The following RGSL1 variants were observed in gnomAD, a reference collection of about 807,000 sequenced individuals.
The protein encoded by RGSL1 is regulator of G protein signaling protein-like.
Under a neutral mutation model 124.7 loss-of-function variants are expected in RGSL1, and 97 were observed. The ratio of observed to expected loss-of-function variants is 0.78; its 90% CI spans 0.66 to 0.92. The LOEUF (loss-of-function observed/expected upper bound fraction) is 0.92, where lower values mean the gene tolerates loss of function less well. Ranked by LOEUF, RGSL1 falls within the 40% of genes least tolerant of loss-of-function variation. RGSL1 has a pLI of 0.00. For synonymous variants in RGSL1, 424 were observed against 438.1 expected (o/e 0.97, Z 0.40); for missense variants, 1,233 against 1,288.4 (o/e 0.96, Z 0.66).
intron 10 of RGSL1, among the ~76,000 whole-genome samples, chr1:182,524,091 A>G (rs1658556430): frequency 6.6e-6 from 1 of 152,224 alleles, no homozygotes; most frequent in Non-Finnish European, 1.5e-5. Context: ...GTTGAAGTAT[A>G]GAGTGCATGC....
intron 6 of RGSL1, among the ~76,000 whole-genome samples, chr1:182,475,973 G>A (rs1178086364): frequency 6.6e-6 from 1 of 152,158 alleles, no homozygotes; most frequent in Admixed American, 6.5e-5. Context: ...TACAGATAAG[G>A]GAATTGAGTC....
chr1:182,555,706 T>G (rs920651705), intron 20 of RGSL1: 11 of 346,212 alleles, frequency 3.2e-5, no homozygotes, highest in Non-Finnish European at 5.8e-5. Flanking sequence ...AAGTCACTTC[T>G]CAGGCCTGTT....
chr1:182,472,389 C>T lies in RGSL1; in HGVS notation c.302-7C>T. 1.3e-6 allele frequency: 2 copies of T among 1,547,400 alleles called. No homozygotes were observed. The highest frequency in any genetic ancestry group is 1.7e-6 in the Non-Finnish European group (2 of 1,143,998). ...ATAGCTCTGTGCCTCTTCTGTCTCACCCGTAGGTGAAGAATTGGTGGATTT... is the reference window on the plus strand; with the variant it reads ...ATAGCTCTGTGCCTCTTCTGTCTCATCCGTAGGTGAAGAATTGGTGGATTT... On this transcript the variant is annotated splice_region_variant and splice_polypyrimidine_tract_variant and intron_variant, in intron 4 of 21. Transcript: ENST00000294854.
intron 9 of RGSL1, among the ~76,000 whole-genome samples, chr1:182,500,155 TAA>T (rs1656241237): frequency 1.3e-5 from 2 of 152,204 alleles, no homozygotes; most frequent in Admixed American, 6.5e-5. Context: ...CATCTACACT[TAA>T]GTTTGTTATT....
intron 21 of RGSL1, among the ~76,000 whole-genome samples, chr1:182,559,478 G>T (rs1446426184): frequency 6.6e-6 from 1 of 152,078 alleles, no homozygotes; most frequent in Non-Finnish European, 1.5e-5. Context: ...CACTGCTTTT[G>T]TCGGGCCCTT....
chr1:182,451,319 T>TAA (rs1651806581), intron 1 of RGSL1, among the ~76,000 whole-genome samples: 1 of 117,212 alleles, frequency 8.5e-6, no homozygotes. Flanking sequence ...TATCGATGGA[T>TAA]AAAAACAGTC....
At chr1:182,508,071 T>C (rs571598317) in intron 9 of RGSL1, among the ~76,000 whole-genome samples, 6 of 152,102 alleles carry the variant, frequency 3.9e-5, no homozygotes, top group Admixed American at 1.3e-4. Flanking sequence ...TGTTACATGG[T>C]AGTTCTATTT....
At chr1:182,499,386 T>C (rs1158957969) in intron 9 of RGSL1, among the ~76,000 whole-genome samples, 1 of 152,246 alleles carries the variant, frequency 6.6e-6, no homozygotes, top group Admixed American at 6.5e-5. Flanking sequence ...ATATTTAGGA[T>C]AGTTAAGTCT....
intron 6 of RGSL1, 105 bp downstream of exon 6, chr1:182,474,647 C>T (rs1443812841): frequency 7.2e-7 from 1 of 1,395,338 alleles, no homozygotes; most frequent in East Asian, 2.5e-5. Flanking sequence ...ATATAATTAC[C>T]CACATAAACC....
chr1:182,450,318 TTC>T, intron 1 of RGSL1, 140 bp downstream of exon 1: 1 of 902,644 alleles, frequency 1.1e-6, no homozygotes. Context: ...TTTGTTTTCC[TTC>T]TCTTTCTCCT....
intron 6 of RGSL1, among the ~76,000 whole-genome samples, chr1:182,477,585 G>C (rs938986576): frequency 6.6e-6 from 1 of 152,146 alleles, no homozygotes; most frequent in Non-Finnish European, 1.5e-5. Flanking sequence ...CAGACTGCTA[G>C]CAGCCTCAGT....
At chr1:182,553,646 C>A in intron 19 of RGSL1, 105 bp downstream of exon 19, 3 of 911,114 alleles carry the variant, frequency 3.3e-6, no homozygotes, top group South Asian at 3.3e-5. Context: ...GACTGAGACC[C>A]CCAAAATGTG....
intron 6 of RGSL1, 102 bp from the exon 7 acceptor site, chr1:182,488,183 C>T (rs771173175): frequency 1.0e-4 from 115 of 1,145,552 alleles, no homozygotes; most frequent in Non-Finnish European, 1.4e-4. Flanking sequence ...ATTACAGAAC[C>T]CAGAATCTTC....
At position 182,523,121 on chromosome 1, in the gene RGSL1, G is replaced by A. The variant is rs543211655; in HGVS notation, c.1931+1012G>A. Among the ~76,000 whole-genome samples the A allele has an allele frequency of 1.0e-4, 15 of 150,550 alleles. 4 individuals carry two copies. The highest frequency in any genetic ancestry group is 3.9e-4 in the East Asian group (2 of 5,128). On this transcript the variant is annotated intron_variant, in intron 10 of 21. Coordinates refer to ENST00000294854, the MANE Select transcript of RGSL1 (RefSeq NM_001137669.2). ...CTCAATCACAGCTCATTGCAGCCTCGACCTCCCTAGGCTCAAGTGATCCAC... is the reference window on the plus strand; with the variant it reads ...CTCAATCACAGCTCATTGCAGCCTCAACCTCCCTAGGCTCAAGTGATCCAC...
At chr1:182,532,328 CTCTTT>C (rs1659234088) in intron 13 of RGSL1, among the ~76,000 whole-genome samples, 2 of 151,926 alleles carry the variant, frequency 1.3e-5, no homozygotes, top group South Asian at 4.1e-4. Flanking sequence ...TATTTCTGTC[CTCTTT>C]TCTTCCAGTT....
chr1:182,546,088 G>C (rs915525775), intron 15 of RGSL1, among the ~76,000 whole-genome samples: 1 of 151,990 alleles, frequency 6.6e-6, no homozygotes, highest in Non-Finnish European at 1.5e-5. Flanking sequence ...TATCTTGTAG[G>C]TGTCTTCATT....
chr1:182,470,485 A>G (rs1297175607), intron 4 of RGSL1, among the ~76,000 whole-genome samples: 1 of 152,030 alleles, frequency 6.6e-6, no homozygotes, highest in Non-Finnish European at 1.5e-5. Flanking sequence ...CTCTACCCAG[A>G]ATGCTCTTTC....
chr1:182,547,673 A>G (rs1049868901), intron 15 of RGSL1, among the ~76,000 whole-genome samples: 4 of 152,166 alleles, frequency 2.6e-5, no homozygotes, highest in Non-Finnish European at 5.9e-5. Flanking sequence ...CATCCTGGGT[A>G]ACATGGTGAA....
intron 6 of RGSL1, among the ~76,000 whole-genome samples, chr1:182,477,332 A>G (rs1202102794): frequency 6.6e-6 from 1 of 152,182 alleles, no homozygotes; most frequent in African/African-American, 2.4e-5. Context: ...TCTTAGCAGA[A>G]ACTATGCCTG....
Sources: allele counts gnomAD v4.1 joint callset (sites outside exome capture counted in the v4.1 genomes callset), GRCh38; gene constraint gnomAD v4.1.1; transcripts MANE v1.5; gene names NCBI Gene and HGNC (gene_info 2026-07-23, HGNC 2026-07-21).